Variants in DPP6 observed in about 807,000 individuals in gnomAD.
DPP6 encodes the protein A-type potassium channel modulatory protein DPP6.
A neutral mutation model predicts 122.6 loss-of-function variants in DPP6; 69 were observed. The ratio of observed to expected loss-of-function variants is 0.56; its 90% CI spans 0.46 to 0.69. The LOEUF is 0.69. DPP6 is among the 30% of genes least tolerant of loss of function. The pLI, the probability that DPP6 is intolerant of heterozygous loss-of-function variation, is 0.00. For synonymous variants in DPP6, 418 were observed against 433.1 expected (o/e 0.97, Z 0.43); for missense variants, 928 against 1,116.9 (o/e 0.83, Z 2.41).
In DPP6 at chr7:154,879,275, G is replaced by A. The variant is rs867357362; in HGVS notation, c.2079-1613G>A. Among the ~76,000 whole-genome samples, 17 of 141,656 alleles carry A rather than the reference G, an allele frequency of 1.2e-4. 4 individuals are homozygous for A. The East Asian group carries it at 3.1e-3, about 26-fold the overall frequency. 92.9% of individuals were successfully genotyped at this position (141,656 alleles called of 152,430 possible). On this transcript the variant is annotated intron_variant, in intron 20 of 25. Transcript: ENST00000377770. Reference sequence around the variant, plus strand: ...CAGCTGGCCAACATGGTGAAACCCCGTCTCTATTAAAAACACAAAAATCGG... The same window carrying A: ...CAGCTGGCCAACATGGTGAAACCCCATCTCTATTAAAAACACAAAAATCGG...
At chr7:154,156,906 A>T (rs1324757819) in intron 1 of DPP6, among the ~76,000 whole-genome samples, 4 of 152,286 alleles carry the variant, frequency 2.6e-5, no homozygotes, top group Non-Finnish European at 5.9e-5. Context: ...TTAAGCAAAC[A>T]TGTGCCCCAT....
At chr7:154,358,928 A>G (rs1011997904) in intron 1 of DPP6, among the ~76,000 whole-genome samples, 6 of 151,924 alleles carry the variant, frequency 3.9e-5, no homozygotes, top group African/African-American at 1.5e-4. Flanking sequence ...CTGGTCTCGA[A>G]CTCCTGACCT....
chr7:154,183,696 T>C (rs560711286), intron 1 of DPP6, among the ~76,000 whole-genome samples: 7 of 152,272 alleles, frequency 4.6e-5, no homozygotes, highest in African/African-American at 1.7e-4. Flanking sequence ...CACAGCCTCA[T>C]GGAGAGAACG....
chr7:153,953,437 C>T lies in DPP6; in HGVS notation c.51+65703C>T, dbSNP rs1802311647. Among the ~76,000 whole-genome samples, 6 of 152,056 alleles carry T rather than the reference C, an allele frequency of 3.9e-5. No homozygotes were observed. In the South Asian group the frequency reaches 1.2e-3, roughly 32 times the overall value. ...AGTAAAAGATGTTTCCTTCTTTTCC[C>T]ACCAACCCTCAAAATTCCGTGTGCT... On this transcript the variant is annotated intron_variant, in intron 1 of 25. Coordinates refer to the DPP6 transcript ENST00000404039.
the DPP6 span, among the ~76,000 whole-genome samples, chr7:153,874,725 G>A: frequency 2.1e-4 from 32 of 152,204 alleles, no homozygotes; most frequent in African/African-American, 6.7e-4. Context: ...AATCAAATGG[G>A]CATATTAGAA....
chr7:154,587,699 G>A, intron 5 of DPP6: 2 of 1,551,600 alleles, frequency 1.3e-6, no homozygotes, highest in Non-Finnish European at 1.7e-6. Flanking sequence ...TCAAAATCAT[G>A]TGACTCATTA....
chr7:153,884,987 A>AATACATATATATAT (rs1209555021), upstream of DPP6, among the ~76,000 whole-genome samples: 1,827 of 116,238 alleles, frequency 0.016, 78 homozygotes, highest in African/African-American at 0.034. Context: ...TCAAAACAAA[A>AATACATATATATAT]ATATATATAT....
chr7:154,872,687 T>G lies in DPP6; in HGVS notation c.1877T>G (p.Leu626Arg). The change falls in exon 19 of 26, where the codon CTG becomes CGG. Residue 626 changes from leucine (L) to arginine (R), a missense_variant. By Grantham distance (102) the Leu-to-Arg change is moderately radical (BLOSUM62 -2). Coordinates refer to ENST00000377770, the MANE Select transcript of DPP6 (RefSeq NM_130797.4). ...FTDTTHYPLL[L>R]VVDGTPGSQS... ...GACACCACCCACTACCCTCTGCTCCTGGTGGTGTAAGTATCGTCACATCTG... is the reference window on the plus strand; with the variant it reads ...GACACCACCCACTACCCTCTGCTCCGGGTGGTGTAAGTATCGTCACATCTG... 6.3e-7 allele frequency: 1 copy of G among 1,595,976 alleles called. No homozygotes were observed. Among genetic ancestry groups the G allele is most frequent in the Non-Finnish European group, 8.5e-7 (1 of 1,171,348 alleles).
At chr7:154,886,635 C>T (rs61237274) in intron 22 of DPP6, among the ~76,000 whole-genome samples, 3,575 of 152,306 alleles carry the variant, frequency 0.023, 151 homozygotes, top group African/African-American at 0.081. Context: ...CCCTAAGCAG[C>T]GCTGGCAAGT....
At chr7:154,395,328 C>A (rs550694126) in intron 1 of DPP6, among the ~76,000 whole-genome samples, 1 of 152,306 alleles carries the variant, frequency 6.6e-6, no homozygotes, top group South Asian at 2.1e-4. Context: ...AACAAACTTT[C>A]ATATTGTAGC....
At chr7:154,175,930 C>T (rs530623606) in intron 1 of DPP6, among the ~76,000 whole-genome samples, 10 of 152,132 alleles carry the variant, frequency 6.6e-5, no homozygotes, top group African/African-American at 2.4e-4. Context: ...TCAAGTGACC[C>T]ACCCACCTCG....
chr7:154,318,394 C>T (rs1418745592), intron 1 of DPP6, among the ~76,000 whole-genome samples: 1 of 152,100 alleles, frequency 6.6e-6, no homozygotes, highest in African/African-American at 2.4e-5. Context: ...TGAGAGTGAC[C>T]TAGGGAAAAA....
At chr7:154,396,460 T>A (rs55937579) in intron 1 of DPP6, among the ~76,000 whole-genome samples, 13,521 of 152,254 alleles carry the variant, frequency 0.089, 690 homozygotes, top group East Asian at 0.12. Context: ...AGTATAATGA[T>A]CCTCTTTTCC....
intron 1 of DPP6, among the ~76,000 whole-genome samples, chr7:153,900,284 C>A (rs1179152539): frequency 6.6e-6 from 1 of 150,994 alleles, no homozygotes; most frequent in Non-Finnish European, 1.5e-5. Flanking sequence ...AACCTCTGCC[C>A]TAAAGCTGCT....
At chr7:154,221,225 C>T (rs1455898876) in intron 1 of DPP6, among the ~76,000 whole-genome samples, 1 of 152,128 alleles carries the variant, frequency 6.6e-6, no homozygotes, top group African/African-American at 2.4e-5. Flanking sequence ...ACTGCAACTT[C>T]CACCCCCCGG....
At chr7:154,531,206 G>A (rs1217446870) in intron 3 of DPP6, among the ~76,000 whole-genome samples, 1 of 152,076 alleles carries the variant, frequency 6.6e-6, no homozygotes, top group East Asian at 1.9e-4. Flanking sequence ...AAGGAAAAAA[G>A]AGACCAAAAG....
At chr7:154,723,478 A>G (rs530412196) in intron 7 of DPP6, among the ~76,000 whole-genome samples, 1 of 152,256 alleles carries the variant, frequency 6.6e-6, no homozygotes, top group African/African-American at 2.4e-5. Context: ...TAAAAAAAAA[A>G]AAAGCTAAAA....
At chr7:153,905,662 TAAATG>T (rs745309913) in intron 1 of DPP6, among the ~76,000 whole-genome samples, 9 of 152,026 alleles carry the variant, frequency 5.9e-5, no homozygotes, top group Admixed American at 1.3e-4. Flanking sequence ...GAAAAAAAAT[TAAATG>T]AAATGTAAAA....
chr7:154,221,644 A>T lies in DPP6; in HGVS notation c.243+168581A>T, dbSNP rs115705029. Among the ~76,000 whole-genome samples, 892 of 152,302 alleles carry T rather than the reference A, an allele frequency of 5.9e-3. 13 individuals are homozygous for T. The highest frequency in any genetic ancestry group is 0.02 in the African/African-American group (852 of 41,572). ...TAGTTTTTTAACAATAAATCACAGG[A>T]AGGTGGCTTAACTATTGAAAATTTT... On this transcript the variant is annotated intron_variant, in intron 1 of 25. Coordinates refer to ENST00000377770, the MANE Select transcript of DPP6 (RefSeq NM_130797.4).
Sources: gnomAD v4.1 joint callset for allele counts (sites outside exome capture counted in the v4.1 genomes callset) on GRCh38, gnomAD v4.1.1 for gene constraint, MANE v1.5 for transcripts, NCBI Gene and HGNC (gene_info 2026-07-23, HGNC 2026-07-21) for gene names.